The following TNIP3 variants were observed in gnomAD, a reference collection of about 807,000 sequenced individuals.
The protein encoded by TNIP3 is TNFAIP3 interacting protein 3.
TNIP3 carries 34 observed loss-of-function variants against 54.1 expected under a neutral mutation model. That is an observed-to-expected ratio of 0.63 (90% CI 0.48 to 0.84). The LOEUF (loss-of-function observed/expected upper bound fraction) is 0.84, where lower values mean the gene tolerates loss of function less well. Ranked by LOEUF, TNIP3 falls within the 40% of genes least tolerant of loss-of-function variation. TNIP3 has a pLI of 0.00. For synonymous variants in TNIP3, 134 were observed against 136.8 expected (o/e 0.98, Z 0.14); for missense variants, 366 against 387.6 (o/e 0.94, Z 0.47).
At chr4:121,169,436 C>T (rs956022474) in intron 3 of TNIP3, among the ~76,000 whole-genome samples, 1 of 152,184 alleles carries the variant, frequency 6.6e-6, no homozygotes, top group Admixed American at 6.5e-5. Context: ...ATTCACCTTT[C>T]CTGCTTTATT....
chr4:121,223,728 C>T (rs576137091), intron 1 of TNIP3, among the ~76,000 whole-genome samples: 2 of 152,308 alleles, frequency 1.3e-5, no homozygotes, highest in South Asian at 2.1e-4. Flanking sequence ...CTTCCCTATC[C>T]ATTAGCACAG....
intron 2 of TNIP3, among the ~76,000 whole-genome samples, chr4:121,187,588 G>C (rs1457908551): frequency 1.3e-5 from 2 of 152,118 alleles, no homozygotes; most frequent in African/African-American, 2.4e-5. Context: ...ATTTGTTTTA[G>C]GTTTTCCATT....
chr4:121,165,562 G>A (rs953637034), upstream of TNIP3, among the ~76,000 whole-genome samples: 1 of 152,110 alleles, frequency 6.6e-6, no homozygotes, highest in African/African-American at 2.4e-5. Flanking sequence ...GCACTGAGCT[G>A]TCTGGCACAC....
chr4:121,159,935 G>C (rs1333965116), intron 2 of TNIP3, among the ~76,000 whole-genome samples: 1 of 152,180 alleles, frequency 6.6e-6, no homozygotes, highest in African/African-American at 2.4e-5. Context: ...ACTGAATCCA[G>C]AGTGGCAGTT....
At position 121,170,183 on chromosome 4, in the gene TNIP3, C is replaced by A. The variant is rs539458715; in HGVS notation, c.190-6037G>T. 3.3e-5 allele frequency among the ~76,000 whole-genome samples: 5 copies of A among 152,270 alleles called. No homozygotes were observed. The East Asian group carries it at 9.7e-4, about 29-fold the overall frequency. On this transcript the variant is annotated intron_variant, in intron 3 of 12. Transcript: ENST00000507879. ...ACTTATTGTAAAGCAGTTGTTAATT[C>A]GATGTACCTTTCTCCTCTGAGATGC...
chr4:121,155,006 G>A (rs114980306), intron 4 of TNIP3, among the ~76,000 whole-genome samples: 3,269 of 149,706 alleles, frequency 0.022, 75 homozygotes, highest in Admixed American at 0.036. Flanking sequence ...ACTGTCTCCC[G>A]GCCTGGAGTG....
At chr4:121,173,812 G>A (rs912199715) in intron 3 of TNIP3, among the ~76,000 whole-genome samples, 2 of 152,120 alleles carry the variant, frequency 1.3e-5, no homozygotes, top group African/African-American at 4.8e-5. Context: ...TGTAATTTTA[G>A]TAGAGGTGGA....
chr4:121,177,531 T>C (rs575873188), intron 3 of TNIP3, among the ~76,000 whole-genome samples: 1 of 152,332 alleles, frequency 6.6e-6, no homozygotes, highest in Admixed American at 6.5e-5. Flanking sequence ...TCAGGCTCTT[T>C]CACTAAATAA....
chr4:121,182,574 G>T, intron 3 of TNIP3: 1 of 1,350,272 alleles, frequency 7.4e-7, no homozygotes, highest in Non-Finnish European at 1.0e-6. Flanking sequence ...GGAAGTACAT[G>T]ACTGACGGTA....
At chr4:121,226,255 G>C (rs1727251752) in intron 1 of TNIP3, among the ~76,000 whole-genome samples, 1 of 151,454 alleles carries the variant, frequency 6.6e-6, no homozygotes, top group Non-Finnish European at 1.5e-5. Context: ...GAGAGAGAGA[G>C]CGACAGAGGC....
At chr4:121,180,009 C>G (rs1724585532) in intron 3 of TNIP3, among the ~76,000 whole-genome samples, 1 of 151,630 alleles carries the variant, frequency 6.6e-6, no homozygotes, top group African/African-American at 2.4e-5. Flanking sequence ...TAATGTAGCA[C>G]AAGCAGGTGA....
chr4:121,172,327 AG>A (rs1490895999), intron 3 of TNIP3, among the ~76,000 whole-genome samples: 2 of 152,214 alleles, frequency 1.3e-5, no homozygotes, highest in African/African-American at 4.8e-5. Context: ...GGGTTTGAGG[AG>A]GCCTCAGAGT....
At chr4:121,206,377 C>T (rs116659035) in intron 2 of TNIP3, among the ~76,000 whole-genome samples, 1,717 of 152,222 alleles carry the variant, frequency 0.011, 29 homozygotes, top group African/African-American at 0.038. Flanking sequence ...CTGTTATTCC[C>T]TGATCCTCGG....
chr4:121,151,279 G>A (rs1178634303), intron 5 of TNIP3, among the ~76,000 whole-genome samples: 5 of 152,078 alleles, frequency 3.3e-5, no homozygotes, highest in African/African-American at 4.8e-5. Context: ...AACTTCAACA[G>A]TGTCTATTTG....
At chr4:121,207,039 C>T (rs1442734788) in intron 2 of TNIP3, among the ~76,000 whole-genome samples, 1 of 151,932 alleles carries the variant, frequency 6.6e-6, no homozygotes, top group African/African-American at 2.4e-5. Context: ...ATCAGGTAGA[C>T]GAAAATGTTT....
chr4:121,210,038 G>A (rs1343632253), intron 2 of TNIP3, among the ~76,000 whole-genome samples: 1 of 151,920 alleles, frequency 6.6e-6, no homozygotes, highest in East Asian at 1.9e-4. Context: ...TTGAACTCAG[G>A]GAGTCTGACT....
intron 2 of TNIP3, among the ~76,000 whole-genome samples, chr4:121,183,336 C>G (rs9992960): frequency 2.6e-5 from 4 of 152,010 alleles, no homozygotes; most frequent in African/African-American, 9.7e-5. Context: ...CTTGCCACCA[C>G]ATGGAAATAA....
chr4:121,141,451 G>A (rs773176275), intron 9 of TNIP3, among the ~76,000 whole-genome samples: 29 of 152,052 alleles, frequency 1.9e-4, no homozygotes, highest in African/African-American at 4.3e-4. Context: ...ATTTACAACC[G>A]AACAAAAGCA....
intron 1 of TNIP3, among the ~76,000 whole-genome samples, chr4:121,225,053 A>G (rs545061229): frequency 1.3e-5 from 2 of 152,366 alleles, no homozygotes; most frequent in South Asian, 4.1e-4. Context: ...TGAGAAAGGG[A>G]TCATTTGCCT....
Sources: gnomAD v4.1 joint callset for allele counts (sites outside exome capture counted in the v4.1 genomes callset) on GRCh38, gnomAD v4.1.1 for gene constraint, MANE v1.5 for transcripts, NCBI Gene and HGNC (gene_info 2026-07-23, HGNC 2026-07-21) for gene names.